MAP1B: variants seen among roughly 807,000 people sequenced by gnomAD.
MAP1B encodes the protein microtubule-associated protein 1B.
A neutral mutation model predicts 176.1 loss-of-function variants in MAP1B; 12 were observed. That is an observed-to-expected ratio of 0.07 (90% CI 0.04 to 0.11). MAP1B has a LOEUF of 0.11. MAP1B is among the 10% of genes least tolerant of loss of function. The probability of loss-of-function intolerance (pLI) is 1.00; values close to 1 mark genes in which losing one functional copy is unlikely to be tolerated. For synonymous variants in MAP1B, 1,044 were observed against 1,135.0 expected (o/e 0.92, Z 1.61); for missense variants, 2,523 against 2,990.5 (o/e 0.84, Z 3.65).
rs774573313 is a variant in MAP1B at position 72,197,164 on chromosome 5, C to T, written c.3809C>T (p.Thr1270Ile). ...SPSPPSPLEK[T>I]PLGERSVNFS... ...TCTCCACCATCACCCTTAGAAAAGACCCCCCTGGGTGAACGTAGTGTGAAC... is the reference window on the plus strand; with the variant it reads ...TCTCCACCATCACCCTTAGAAAAGATCCCCCTGGGTGAACGTAGTGTGAAC... The change falls in exon 5 of 7, where the codon ACC becomes ATC. Residue 1270 changes from threonine (T) to isoleucine (I), a missense_variant. Transcript: ENST00000296755. The T allele has an allele frequency of 6.8e-6, 11 of 1,613,952 alleles. No individual in the cohort carries two copies. Among genetic ancestry groups the T allele is most frequent in the Non-Finnish European group, 9.3e-6 (11 of 1,179,938 alleles).
intron 2 of MAP1B, among the ~76,000 whole-genome samples, chr5:72,158,052 G>A (rs372598749): frequency 6.9e-6 from 1 of 145,064 alleles, no homozygotes; most frequent in East Asian, 2.0e-4. Flanking sequence ...CGTTCGCCCA[G>A]GCTGGAGTGC....
Position 72,186,355 on chromosome 5 carries a change from G to A in MAP1B, c.370-259G>A, listed in dbSNP as rs1236797018. 1.3e-5 allele frequency among the ~76,000 whole-genome samples: 2 copies of A among 152,194 alleles called. No homozygotes were observed. Among genetic ancestry groups the A allele is most frequent in the African/African-American group, 2.4e-5 (1 of 41,452 alleles). On this transcript the variant is annotated intron_variant, in intron 3 of 6. Coordinates refer to ENST00000296755, the MANE Select transcript of MAP1B (RefSeq NM_005909.5). This position sits in a 1 kb window ranked among gnomAD's most constrained non-coding sequence, Gnocchi z 4.3. ...GAGAAAGTCAACTATCGCTACTGTC[G>A]TGATTGTAGAGAAACTTTGAAAATG... is the stretch of plus-strand genomic sequence containing the variant.
chr5:72,130,074 A>G (rs1745701425), intron 2 of MAP1B, among the ~76,000 whole-genome samples: 1 of 152,070 alleles, frequency 6.6e-6, no homozygotes, highest in Admixed American at 6.5e-5. Flanking sequence ...ATGCTTGGTG[A>G]GCAAATTCAT....
intron 2 of MAP1B, among the ~76,000 whole-genome samples, chr5:72,174,758 C>A (rs1347721052): frequency 6.6e-6 from 1 of 152,150 alleles, no homozygotes; most frequent in Non-Finnish European, 1.5e-5. Flanking sequence ...CTGGAGGAAA[C>A]CAAATCAGAG....
intron 2 of MAP1B, among the ~76,000 whole-genome samples, chr5:72,170,148 A>C (rs1746507856): frequency 6.6e-6 from 1 of 152,204 alleles, no homozygotes; most frequent in Admixed American, 6.5e-5. Flanking sequence ...TTACCAGTCT[A>C]TTTCATGTAA....
chr5:72,188,407 CA>C (rs1230895475), intron 4 of MAP1B, among the ~76,000 whole-genome samples: 2 of 152,162 alleles, frequency 1.3e-5, no homozygotes, highest in Admixed American at 1.3e-4. Context: ...AGCTCATTTG[CA>C]TGCACATGGG....
intron 2 of MAP1B, chr5:72,179,618 A>C: frequency 1.0e-6 from 1 of 985,484 alleles, no homozygotes; most frequent in Non-Finnish European, 1.2e-6. Context: ...CCCCTCTGCC[A>C]GGCTTGGCCA....
intron 2 of MAP1B, among the ~76,000 whole-genome samples, chr5:72,166,249 A>G (rs1402440456): frequency 6.6e-6 from 1 of 152,136 alleles, no homozygotes; most frequent in African/African-American, 2.4e-5. Context: ...TGTGGCTTGT[A>G]CAGAGCCTCC....
At chr5:72,118,981 T>A (rs1340367093) in intron 2 of MAP1B, among the ~76,000 whole-genome samples, 11 of 152,242 alleles carry the variant, frequency 7.2e-5, no homozygotes, top group Admixed American at 5.9e-4. Flanking sequence ...TTATACTAGT[T>A]TATCCCTTAT....
chr5:72,184,665 T>C (rs1746852153), intron 3 of MAP1B, among the ~76,000 whole-genome samples: 1 of 152,188 alleles, frequency 6.6e-6, no homozygotes, highest in Admixed American at 6.5e-5. Flanking sequence ...ATCACTCCAC[T>C]TTCCACTTCC....
rs1196765541 is a variant in MAP1B, at chr5:72,199,241, GACC to G, written c.5891_5893del (p.Thr1964del). ...GGTACTCATATGACATAAGTGAAAA[GACC>G]ACCAGCCCCCCCGAAGTGAGTGGTT... is the stretch of plus-strand genomic sequence containing the variant. On this transcript the variant is annotated inframe_deletion, in exon 5 of 7. Transcript: ENST00000296755. The surrounding 1 kb of genome is among the most constrained non-coding windows in gnomAD (Gnocchi z 4.2). 3.7e-6 allele frequency: 6 copies of G among 1,613,964 alleles called. No individual in the cohort carries two copies. The African/African-American group carries it at 4.0e-5, about 11-fold the overall frequency.
intron 2 of MAP1B, among the ~76,000 whole-genome samples, chr5:72,137,489 C>G (rs531297381): frequency 2.0e-5 from 3 of 152,178 alleles, no homozygotes; most frequent in Non-Finnish European, 4.4e-5. Context: ...ATGGCAGGAG[C>G]TTCCCTTAAT....
At chr5:72,189,492 C>T (rs887217501) in intron 4 of MAP1B, among the ~76,000 whole-genome samples, 1 of 152,170 alleles carries the variant, frequency 6.6e-6, no homozygotes, top group Admixed American at 6.5e-5. Context: ...CACAGTTCTT[C>T]ATAACCCTGC....
intron 4 of MAP1B, among the ~76,000 whole-genome samples, chr5:72,188,501 G>A (rs1034889449): frequency 1.3e-4 from 20 of 152,146 alleles, no homozygotes; most frequent in African/African-American, 3.1e-4. Flanking sequence ...CTTTTTTGCC[G>A]AAAAACCAGA....
chr5:72,183,637 C>A, intron 2 of MAP1B, 106 bp from the exon 3 acceptor site: 2 of 760,324 alleles, frequency 2.6e-6, no homozygotes, highest in Non-Finnish European at 2.3e-6. Context: ...GTGCTGTGTA[C>A]CACGTCGGAG....
In MAP1B at chr5:72,186,963, C is replaced by T. The variant is rs1014520452; in HGVS notation, c.510+209C>T. Among the ~76,000 whole-genome samples the T allele has an allele frequency of 2.6e-5, 4 of 152,208 alleles. No homozygotes were observed. Among genetic ancestry groups the T allele is most frequent in the Non-Finnish European group, 5.9e-5 (4 of 68,046 alleles). ...TCATTTACAATTAATTGGAATCATT[C>T]TTAATGTGCCTGAGATATAGATGGG... On this transcript the variant is annotated intron_variant, in intron 4 of 6. Transcript: ENST00000296755. The surrounding 1 kb of genome is among the most constrained non-coding windows in gnomAD (Gnocchi z 4.3).
chr5:72,139,275 C>T (rs1015673191), intron 2 of MAP1B, among the ~76,000 whole-genome samples: 2 of 152,154 alleles, frequency 1.3e-5, no homozygotes, highest in Non-Finnish European at 2.9e-5. Flanking sequence ...CCTCTAGGGT[C>T]GGTCTGTGCC....
intron 2 of MAP1B, among the ~76,000 whole-genome samples, chr5:72,136,691 C>A (rs1223994198): frequency 6.6e-6 from 1 of 152,100 alleles, no homozygotes; most frequent in African/African-American, 2.4e-5. Context: ...TGTTGGCCAG[C>A]CACTCCCTTT....
At chr5:72,113,037 C>T (rs1048817073) in intron 1 of MAP1B, among the ~76,000 whole-genome samples, 1 of 152,158 alleles carries the variant, frequency 6.6e-6, no homozygotes, top group Non-Finnish European at 1.5e-5. Context: ...CTTTAGAGGG[C>T]TCACTGTTGG....
Sources: gnomAD v4.1 joint callset for allele counts (sites outside exome capture counted in the v4.1 genomes callset) on GRCh38, gnomAD v4.1.1 for gene constraint, Gnocchi (gnomAD v3.1) non-coding constraint, MANE v1.5 for transcripts, NCBI Gene and HGNC (gene_info 2026-07-23, HGNC 2026-07-21) for gene names.